The following GABRG3 variants were observed in gnomAD, a reference collection of about 807,000 sequenced individuals.
GABRG3 encodes gamma-aminobutyric acid receptor subunit gamma-3.
A neutral mutation model predicts 48.8 loss-of-function variants in GABRG3; 25 were observed. The observed-to-expected ratio is 0.51, with a 90% CI of 0.37 to 0.72. The LOEUF (loss-of-function observed/expected upper bound fraction) is 0.72. GABRG3 is among the 30% of genes least tolerant of loss of function. The probability of loss-of-function intolerance (pLI) is 0.00; values close to 1 mark genes in which losing one functional copy is unlikely to be tolerated. For synonymous variants in GABRG3, 227 were observed against 217.6 expected (o/e 1.04, Z -0.38); for missense variants, 394 against 577.9 (o/e 0.68, Z 3.26).
chr15:27,127,384 T>C (rs1897839487), intron 3 of GABRG3, among the ~76,000 whole-genome samples: 1 of 146,244 alleles, frequency 6.8e-6, no homozygotes, highest in African/African-American at 2.5e-5. Context: ...TTTTATGAAA[T>C]ACTTAGAGTG....
At chr15:27,175,337 C>G (rs1458933371) in intron 3 of GABRG3, among the ~76,000 whole-genome samples, 1 of 152,236 alleles carries the variant, frequency 6.6e-6, no homozygotes, top group African/African-American at 2.4e-5. Flanking sequence ...ATCCACAGCC[C>G]TGACACCTTG....
intron 3 of GABRG3, among the ~76,000 whole-genome samples, chr15:27,031,360 T>G (rs1043474163): frequency 6.6e-6 from 1 of 152,200 alleles, no homozygotes; most frequent in Non-Finnish European, 1.5e-5. Context: ...ACCACTGATA[T>G]TTTTACTGTT....
At chr15:27,202,096 T>A (rs371186872) in intron 3 of GABRG3, among the ~76,000 whole-genome samples, 1 of 152,230 alleles carries the variant, frequency 6.6e-6, no homozygotes, top group South Asian at 2.1e-4. Context: ...TCTGCTTCTA[T>A]CTTCTAACTT....
At chr15:27,453,881 C>A (rs898487927) in intron 5 of GABRG3, among the ~76,000 whole-genome samples, 1 of 152,242 alleles carries the variant, frequency 6.6e-6, no homozygotes, top group African/African-American at 2.4e-5. Context: ...GTATCACAGG[C>A]ATGAGCCACC....
At chr15:27,138,595 T>C (rs992382423) in intron 3 of GABRG3, among the ~76,000 whole-genome samples, 2 of 152,208 alleles carry the variant, frequency 1.3e-5, no homozygotes, top group Non-Finnish European at 2.9e-5. Flanking sequence ...TCCTGTGCAC[T>C]TGGAGTGCCC....
In GABRG3 at chr15:26,977,010, A is replaced by G. The variant is rs750653954; in HGVS notation, c.62A>G (p.Lys21Arg). 6.2e-7 allele frequency: 1 copy of G among 1,613,912 alleles called. No individual in the cohort carries two copies. The highest frequency in any genetic ancestry group is 2.2e-5 in the East Asian group (1 of 44,872). The change falls in exon 2 of 10, where the codon AAG becomes AGG. Residue 21 changes from lysine (K) to arginine (R), a missense_variant. Physicochemically the swap from Lys to Arg is conservative, Grantham distance 26. Coordinates refer to ENST00000615808, the MANE Select transcript of GABRG3 (RefSeq NM_033223.5). ...TTGTGCTGTAACTCCAGGTCCAGAAAGGTGGAAGAGGATGAATATGAAGAT... is the reference window on the plus strand; with the variant it reads ...TTGTGCTGTAACTCCAGGTCCAGAAGGGTGGAAGAGGATGAATATGAAGAT... ...LFSGLHARSR[K>R]VEEDEYEDSS...
intron 5 of GABRG3, among the ~76,000 whole-genome samples, chr15:27,449,243 C>T (rs1889036779): frequency 6.6e-6 from 1 of 152,132 alleles, no homozygotes; most frequent in Non-Finnish European, 1.5e-5. Context: ...TTACAGCTCC[C>T]CACACTTCCT....
chr15:27,419,443 A>G (rs867484035), intron 5 of GABRG3, among the ~76,000 whole-genome samples: 1 of 152,088 alleles, frequency 6.6e-6, no homozygotes, highest in African/African-American at 2.4e-5. Context: ...TAAGGAATAA[A>G]TGGTTCCACA....
intron 6 of GABRG3, among the ~76,000 whole-genome samples, chr15:27,515,124 C>A (rs1890988343): frequency 6.6e-6 from 1 of 151,560 alleles, no homozygotes; most frequent in Non-Finnish European, 1.5e-5. Flanking sequence ...GCTCTCGTTG[C>A]CCAGGCTGGA....
At chr15:27,274,906 T>A (rs145980820) in intron 3 of GABRG3, among the ~76,000 whole-genome samples, 180 of 152,348 alleles carry the variant, frequency 1.2e-3, no homozygotes, top group African/African-American at 3.9e-3. Flanking sequence ...GAGATTTTTT[T>A]AATTTAAATA....
intron 3 of GABRG3, among the ~76,000 whole-genome samples, chr15:27,263,923 CAAAAAAA>C: frequency 7.3e-6 from 1 of 136,868 alleles, no homozygotes; most frequent in South Asian, 2.4e-4. Context: ...GAGACTCTGT[CAAAAAAA>C]AAAAAAAAGA....
At chr15:27,278,567 T>C (rs1337945690) in intron 3 of GABRG3, among the ~76,000 whole-genome samples, 1 of 152,160 alleles carries the variant, frequency 6.6e-6, no homozygotes, top group African/African-American at 2.4e-5. Flanking sequence ...TGCTCTGAGA[T>C]TGCCTTTCCT....
intron 2 of GABRG3, among the ~76,000 whole-genome samples, chr15:27,018,860 A>C (rs1232364580): frequency 6.6e-6 from 1 of 152,072 alleles, no homozygotes; most frequent in Non-Finnish European, 1.5e-5. Flanking sequence ...TAGTCCCCAT[A>C]ATAGTATTCT....
At chr15:27,191,816 A>C (rs1446914538) in intron 3 of GABRG3, among the ~76,000 whole-genome samples, 1 of 149,824 alleles carries the variant, frequency 6.7e-6, no homozygotes, top group African/African-American at 2.5e-5. Flanking sequence ...GTTTCTTCCT[A>C]GTCTCGATGG....
At chr15:27,437,922 G>C (rs1247864601) in intron 5 of GABRG3, among the ~76,000 whole-genome samples, 1 of 152,060 alleles carries the variant, frequency 6.6e-6, no homozygotes, top group Admixed American at 6.5e-5. Context: ...GAGGTTCCAG[G>C]CTCTTTAAAC....
intron 3 of GABRG3, among the ~76,000 whole-genome samples, chr15:27,199,953 T>TGTCATCATTCTCTCTTTCCC (rs1432484320): frequency 6.6e-5 from 10 of 151,494 alleles, no homozygotes; most frequent in African/African-American, 2.2e-4. Context: ...CTCTCTTTCC[T>TGTCATCATTCTCTCTTTCCC]GTCATCATTC....
chr15:27,309,251 C>T (rs1160884972), intron 3 of GABRG3, among the ~76,000 whole-genome samples: 1 of 151,290 alleles, frequency 6.6e-6, no homozygotes, highest in African/African-American at 2.4e-5. Flanking sequence ...TATATAAACA[C>T]ACATATACAC....
chr15:27,099,809 A>G (rs569645781), intron 3 of GABRG3, among the ~76,000 whole-genome samples: 135 of 152,302 alleles, frequency 8.9e-4, no homozygotes, highest in African/African-American at 3.2e-3. Context: ...AAAACCACCA[A>G]TCATCAATAT....
chr15:27,209,608 TTGGGTGCTGGGCTGTGCCCAGG>T (rs1297530341), intron 3 of GABRG3, among the ~76,000 whole-genome samples: 1 of 152,138 alleles, frequency 6.6e-6, no homozygotes, highest in African/African-American at 2.4e-5. Context: ...GCCCATTCCC[TTGGGTGCTGGGCTGTGCCCAGG>T]TGGGTGGGCC....
Sources: allele counts gnomAD v4.1 joint callset (sites outside exome capture counted in the v4.1 genomes callset), GRCh38; gene constraint gnomAD v4.1.1; transcripts MANE v1.5; gene names NCBI Gene and HGNC (gene_info 2026-07-23, HGNC 2026-07-21).